Variants in OAS1 observed in about 807,000 individuals in gnomAD.
The protein encoded by OAS1 is 2'-5'-oligoadenylate synthetase 1.
In OAS1, 24 loss-of-function variants were observed where a neutral mutation model predicts 38.5. The ratio of observed to expected loss-of-function variants is 0.62; its 90% CI spans 0.45 to 0.88. The LOEUF is 0.88. Among genes scored for constraint, OAS1 ranks in the 40% least tolerant of loss-of-function variants. The pLI, the probability that OAS1 is intolerant of heterozygous loss-of-function variation, is 0.00. For missense variants in OAS1, 482 were observed against 493.9 expected, an observed-to-expected ratio of 0.98 and a Z score of 0.23; for synonymous variants, 169 against 193.9, an observed-to-expected ratio of 0.87 and a Z score of 1.07.
intron 3 of OAS1, among the ~76,000 whole-genome samples, chr12:112,914,960 A>G (rs2043436470): frequency 1.4e-5 from 2 of 143,794 alleles, no homozygotes; most frequent in South Asian, 4.4e-4. Flanking sequence ...TCCTTAGCCC[A>G]CTTTTTGATG....
intron 3 of OAS1, among the ~76,000 whole-genome samples, chr12:112,915,706 T>C (rs907848713): frequency 6.6e-6 from 1 of 152,194 alleles, no homozygotes; most frequent in African/African-American, 2.4e-5. Flanking sequence ...AGATTGTTTT[T>C]GGGAGTATGG....
At chr12:112,921,955 A>C (rs1445442819), downstream of OAS1, among the ~76,000 whole-genome samples, 1 of 152,148 alleles carries the variant, frequency 6.6e-6, no homozygotes, top group Non-Finnish European at 1.5e-5. Context: ...GGGACAGGGA[A>C]ATGATCACCA....
At chr12:112,928,064 G>C (rs995587661) in intron 6 of OAS1, among the ~76,000 whole-genome samples, 2 of 152,172 alleles carry the variant, frequency 1.3e-5, no homozygotes, top group Non-Finnish European at 2.9e-5. Context: ...ATAAAGTGAC[G>C]TATTAAGCCT....
Position 112,919,819 on chromosome 12 carries a change from T to C in OAS1, c.*266T>C. 1 of 1,327,538 alleles carries C rather than the reference T, an allele frequency of 7.5e-7. No homozygotes were observed. The allele number at this position is 1,327,538 out of a possible 1,614,324, so 82.2% of individuals were successfully genotyped here. ...AGAGATTTAGATAAGAGAATGAAAT[T>C]CCAGCCTTGACTTTCTTCTGTGCAC... is the stretch of plus-strand genomic sequence containing the variant. On this transcript the variant is annotated 3_prime_UTR_variant, in exon 6 of 6. Coordinates refer to ENST00000202917, the MANE Select transcript of OAS1 (RefSeq NM_016816.4).
intron 6 of OAS1, among the ~76,000 whole-genome samples, chr12:112,928,558 A>G: frequency 6.6e-6 from 1 of 151,850 alleles, no homozygotes; most frequent in East Asian, 1.9e-4. Flanking sequence ...CCTGAGCTCA[A>G]CTCCTTCCTG....
intron 3 of OAS1, among the ~76,000 whole-genome samples, chr12:112,915,742 C>T (rs2136315228): frequency 6.6e-6 from 1 of 152,200 alleles, no homozygotes; most frequent in Admixed American, 6.5e-5. Context: ...TGATTCTACC[C>T]ATTCATGAGC....
chr12:112,923,255 G>T (rs2043540914), downstream of OAS1, among the ~76,000 whole-genome samples: 1 of 152,218 alleles, frequency 6.6e-6, no homozygotes. Context: ...AAGTGGGATT[G>T]CTGGAACATA....
intron 6 of OAS1, among the ~76,000 whole-genome samples, chr12:112,929,853 G>A (rs899770229): frequency 1.3e-5 from 2 of 152,174 alleles, no homozygotes; most frequent in Non-Finnish European, 2.9e-5. Flanking sequence ...CACTTAGTGT[G>A]CGTGGCCTTG....
chr12:112,916,749 C>A lies in OAS1; in HGVS notation c.884+11C>A. On this transcript the variant is annotated intron_variant, in intron 4 of 5. Transcript: ENST00000202917. ...GCTCACGAAACCCAGGTATGCTATC[C>A]CCACATGGCTTAGCTCCCCTATGTA... 6.3e-7 allele frequency: 1 copy of A among 1,592,266 alleles called. No individual in the cohort carries two copies. Among genetic ancestry groups the A allele is most frequent in the Non-Finnish European group, 8.6e-7 (1 of 1,160,288 alleles).
chr12:112,910,814 G>A (rs896541176), intron 2 of OAS1, among the ~76,000 whole-genome samples: 15 of 152,158 alleles, frequency 9.9e-5, no homozygotes, highest in Admixed American at 9.8e-4. Context: ...CAGGCTGTGG[G>A]GGAACCTGTA....
intron 2 of OAS1, among the ~76,000 whole-genome samples, chr12:112,910,176 T>C (rs2043355787): frequency 6.6e-6 from 1 of 152,132 alleles, no homozygotes; most frequent in African/African-American, 2.4e-5. Context: ...AAGACCAGCC[T>C]GGCCAACATG....
chr12:112,918,453 C>T (rs774191239), intron 5 of OAS1: 6 of 336,590 alleles, frequency 1.8e-5, no homozygotes, highest in Non-Finnish European at 2.4e-5. Context: ...GATAAACATA[C>T]GAGTGCCGGT....
At chr12:112,925,865 G>T (rs952587692) in intron 6 of OAS1, among the ~76,000 whole-genome samples, 31 of 152,202 alleles carry the variant, frequency 2.0e-4, no homozygotes, top group Admixed American at 1.8e-3. Flanking sequence ...GACTGAAGGA[G>T]CTAATGGATG....
chr12:112,919,920 T>A, downstream of OAS1: 2 of 575,106 alleles, frequency 3.5e-6, no homozygotes, highest in Non-Finnish European at 5.9e-6. Flanking sequence ...GGGTGTTTAT[T>A]AACTTCAAGG....
At chr12:112,925,046 C>T (rs542874887) in intron 6 of OAS1, among the ~76,000 whole-genome samples, 1 of 152,076 alleles carries the variant, frequency 6.6e-6, no homozygotes, top group Non-Finnish European at 1.5e-5. Context: ...TCCTCCCTGC[C>T]GAGAAAACAA....
downstream of OAS1, among the ~76,000 whole-genome samples, chr12:112,923,206 C>T (rs2043540722): frequency 2.0e-5 from 3 of 152,200 alleles, no homozygotes; most frequent in African/African-American, 7.2e-5. Flanking sequence ...ATGCAGTTAT[C>T]TCTTTGATAT....
rs201403228 is a variant in OAS1, at chr12:112,907,198, G to A, written c.159G>A (p.Val53=). The change falls in exon 1 of 6, where the codon GTG becomes GTA. Residue 53 remains valine, a synonymous_variant. Coordinates refer to ENST00000202917, the MANE Select transcript of OAS1 (RefSeq NM_016816.4). The stretch of plus-strand genomic sequence containing the variant: ...GCTTCCGAGGTAGCTCCTACCCTGT[G>A]TGTGTGTCCAAGGTGGTAAAGGTGA... ...ERCFRGSSYP[V]CVSKVVKGGS... The A allele has an allele frequency of 3.7e-6, 6 of 1,614,208 alleles. No individual in the cohort carries two copies. The East Asian group carries it at 1.3e-4, about 36-fold the overall frequency.
Position 112,919,417 on chromosome 12 carries a change from C to A in OAS1, c.1067C>A (p.Thr356Asn), listed in dbSNP as rs568177552. Reference protein sequence around the residue: ...LAESNSADDETDDPRRYQKYG... With the variant: ...LAESNSADDENDDPRRYQKYG... ...GAAAGCAACAGTGCAGACGATGAGA[C>A]CGACGATCCCAGGAGGTATCAGAAA... Residue 356 changes from threonine (T) to asparagine (N), a missense_variant, in exon 6 of 6, where the codon ACC (threonine) becomes AAC (asparagine). Transcript: ENST00000202917. 3 of 1,613,952 alleles carry A rather than the reference C, an allele frequency of 1.9e-6. No homozygotes were observed. Among genetic ancestry groups the A allele is most frequent in the Non-Finnish European group, 2.5e-6 (3 of 1,179,860 alleles).
downstream of OAS1, among the ~76,000 whole-genome samples, chr12:112,920,852 C>G (rs1196520154): frequency 6.6e-6 from 1 of 152,140 alleles, no homozygotes; most frequent in Non-Finnish European, 1.5e-5. Flanking sequence ...TTGTTATTCT[C>G]ATAATATTAA....
Sources: allele counts gnomAD v4.1 joint callset (sites outside exome capture counted in the v4.1 genomes callset), GRCh38; gene constraint gnomAD v4.1.1; transcripts MANE v1.5; gene names NCBI Gene and HGNC (gene_info 2026-07-23, HGNC 2026-07-21).